ITGB3BP: variants seen among roughly 807,000 people sequenced by gnomAD.
ITGB3BP encodes the protein integrin subunit beta 3 binding protein.
A neutral mutation model predicts 29.1 loss-of-function variants in ITGB3BP; 27 were observed. That is an observed-to-expected ratio of 0.93 (90% CI 0.68 to 1.28). ITGB3BP has a LOEUF of 1.28. Ranked by LOEUF, ITGB3BP falls within the 50% of genes most tolerant of loss-of-function variation. The pLI is 0.00. For synonymous variants in ITGB3BP, 61 were observed against 61.4 expected, an observed-to-expected ratio of 0.99 and a Z score of 0.03; for missense variants, 192 against 200.2, an observed-to-expected ratio of 0.96 and a Z score of 0.25.
chr1:63,505,851 T>C (rs1056391291), intron 2 of ITGB3BP, among the ~76,000 whole-genome samples: 2 of 152,250 alleles, frequency 1.3e-5, no homozygotes, highest in Admixed American at 6.5e-5. Flanking sequence ...TCCTGAGTTC[T>C]AGTTTGATTG....
intron 4 of ITGB3BP, among the ~76,000 whole-genome samples, chr1:63,472,533 C>G (rs574918885): frequency 6.8e-6 from 1 of 147,274 alleles, no homozygotes; most frequent in African/African-American, 2.5e-5. Flanking sequence ...CAAAGGTGGA[C>G]GGTACTGCTG....
At chr1:63,500,298 A>C (rs2100730368) in intron 2 of ITGB3BP, among the ~76,000 whole-genome samples, 1 of 152,230 alleles carries the variant, frequency 6.6e-6, no homozygotes. Flanking sequence ...GAACTGCTTG[A>C]ACCCAGGAGG....
At chr1:63,515,896 G>A (rs1480040864) in intron 1 of ITGB3BP, among the ~76,000 whole-genome samples, 1 of 141,230 alleles carries the variant, frequency 7.1e-6, no homozygotes, top group East Asian at 2.1e-4. Context: ...TCTATCAAAG[G>A]AAAATAAATC....
intron 2 of ITGB3BP, among the ~76,000 whole-genome samples, chr1:63,497,554 C>T (rs1645818218): frequency 2.6e-5 from 4 of 152,102 alleles, no homozygotes; most frequent in Admixed American, 2.6e-4. Flanking sequence ...TGTGTCTCAT[C>T]CTGGGGGGGA....
chr1:63,515,312 T>C (rs1252298209), intron 1 of ITGB3BP, among the ~76,000 whole-genome samples: 2 of 152,232 alleles, frequency 1.3e-5, no homozygotes, highest in Non-Finnish European at 1.5e-5. Flanking sequence ...GGTCTATTTC[T>C]GGACTTTCTA....
At chr1:63,485,942 C>G (rs1645520363) in intron 3 of ITGB3BP, among the ~76,000 whole-genome samples, 1 of 152,008 alleles carries the variant, frequency 6.6e-6, no homozygotes, top group Non-Finnish European at 1.5e-5. Flanking sequence ...TAGCATGCTA[C>G]TCTAATTTGC....
At chr1:63,485,883 TC>T (rs1645518774) in intron 3 of ITGB3BP, among the ~76,000 whole-genome samples, 1 of 152,086 alleles carries the variant, frequency 6.6e-6, no homozygotes, top group Non-Finnish European at 1.5e-5. Flanking sequence ...TACAGTTTTA[TC>T]ATGATATAAC....
intron 4 of ITGB3BP, among the ~76,000 whole-genome samples, chr1:63,463,264 A>AAAG (rs1645047403): frequency 6.6e-6 from 1 of 151,082 alleles, no homozygotes; most frequent in South Asian, 2.1e-4. Context: ...AAAAAAAAAA[A>AAAG]AAAAAAAGTC....
chr1:63,483,805 C>T (rs562472702), intron 3 of ITGB3BP, among the ~76,000 whole-genome samples: 60 of 152,156 alleles, frequency 3.9e-4, no homozygotes, highest in African/African-American at 1.3e-3. Flanking sequence ...TTAAATACAC[C>T]AATACCATTA....
intron 4 of ITGB3BP, among the ~76,000 whole-genome samples, chr1:63,474,241 C>T (rs1645283242): frequency 7.2e-6 from 1 of 137,968 alleles, no homozygotes. Flanking sequence ...AGCCCCTCTG[C>T]CTGGCCAGCC....
At chr1:63,513,304 A>G (rs1427287392) in intron 1 of ITGB3BP, among the ~76,000 whole-genome samples, 1 of 152,150 alleles carries the variant, frequency 6.6e-6, no homozygotes, top group Non-Finnish European at 1.5e-5. Context: ...ATGTTAGCCA[A>G]TGGATTTTAA....
chr1:63,481,561 T>C (rs1475273700), intron 3 of ITGB3BP, among the ~76,000 whole-genome samples: 1 of 152,218 alleles, frequency 6.6e-6, no homozygotes, highest in Non-Finnish European at 1.5e-5. Flanking sequence ...CTTGTGTATT[T>C]GACTCTCTTC....
chr1:63,454,546 C>T lies in ITGB3BP; in HGVS notation c.334-73G>A. ...ATTACTGACATGTCTAGTGAAAATA[C>T]AGTATATTGTTTCCTTCATTTGAAA... On this transcript the variant is annotated intron_variant, in intron 5 of 8. Transcript: ENST00000271002. The surrounding 1 kb of genome is among the most constrained non-coding windows in gnomAD (Gnocchi z 4.1). 1 of 693,856 alleles carries T rather than the reference C, an allele frequency of 1.4e-6. No homozygotes were observed. The highest frequency in any genetic ancestry group is 2.1e-5 in the South Asian group (1 of 46,576). The allele number at this position is 693,856 out of a possible 1,614,324, so 43.0% of individuals were successfully genotyped here.
chr1:63,453,744 A>G (rs1242002012), intron 7 of ITGB3BP, 174 bp downstream of exon 7: 8 of 495,702 alleles, frequency 1.6e-5, no homozygotes, highest in Non-Finnish European at 2.8e-5. Context: ...CTTCTGCTAA[A>G]TGCAATATAA....
intron 1 of ITGB3BP, among the ~76,000 whole-genome samples, chr1:63,519,985 G>T (rs1163952671): frequency 6.6e-6 from 1 of 152,032 alleles, no homozygotes; most frequent in Non-Finnish European, 1.5e-5. Context: ...TCATAGCTTG[G>T]AACAGAATAA....
chr1:63,509,558 C>T (rs1236536780), intron 1 of ITGB3BP, among the ~76,000 whole-genome samples: 2 of 151,812 alleles, frequency 1.3e-5, no homozygotes, highest in Non-Finnish European at 2.9e-5. Context: ...TTACAAAGGA[C>T]AGGAATAAGA....
intron 3 of ITGB3BP, among the ~76,000 whole-genome samples, chr1:63,488,088 T>C (rs1645566628): frequency 1.3e-5 from 2 of 152,248 alleles, no homozygotes; most frequent in East Asian, 3.9e-4. Flanking sequence ...GACATAGAAC[T>C]AAATTTTTCA....
At chr1:63,506,169 A>C (rs1305233449) in intron 2 of ITGB3BP, among the ~76,000 whole-genome samples, 1 of 152,090 alleles carries the variant, frequency 6.6e-6, no homozygotes, top group Non-Finnish European at 1.5e-5. Flanking sequence ...CTAGGTCTCT[A>C]AGGACTTGCT....
chr1:63,473,655 CCGGG>C, intron 4 of ITGB3BP, among the ~76,000 whole-genome samples: 1 of 118,120 alleles, frequency 8.5e-6, no homozygotes, highest in South Asian at 3.2e-4. Flanking sequence ...GCCGCCCCGT[CCGGG>C]AGGGAGGTGG....
Sources: gnomAD v4.1 joint callset for allele counts (sites outside exome capture counted in the v4.1 genomes callset) on GRCh38, gnomAD v4.1.1 for gene constraint, Gnocchi (gnomAD v3.1) non-coding constraint, MANE v1.5 for transcripts, NCBI Gene and HGNC (gene_info 2026-07-23, HGNC 2026-07-21) for gene names.